The following GALNT13 variants were observed in gnomAD, a reference collection of about 807,000 sequenced individuals.
The protein encoded by GALNT13 is polypeptide N-acetylgalactosaminyltransferase 13.
A neutral mutation model predicts 64.2 loss-of-function variants in GALNT13; 28 were observed. The ratio of observed to expected loss-of-function variants is 0.44; its 90% CI spans 0.32 to 0.60. The LOEUF (loss-of-function observed/expected upper bound fraction) is 0.60, where lower values mean the gene tolerates loss of function less well. GALNT13 is among the 20% of genes least tolerant of loss of function. GALNT13 has a pLI of 0.05. For synonymous variants in GALNT13, 214 were observed against 224.6 expected (o/e 0.95, Z 0.42); for missense variants, 577 against 669.8 (o/e 0.86, Z 1.53).
chr2:153,787,187 G>C, the GALNT13 span, among the ~76,000 whole-genome samples: 1 of 152,110 alleles, frequency 6.6e-6, no homozygotes, highest in Non-Finnish European at 1.5e-5. Context: ...AATGGGAGGA[G>C]AGCCCACACT....
intron 3 of GALNT13, among the ~76,000 whole-genome samples, chr2:154,088,192 T>C (rs192277939): frequency 1.4e-4 from 21 of 152,254 alleles, no homozygotes; most frequent in African/African-American, 4.8e-4. Context: ...GATTTTGCAG[T>C]ACTAAGGCCT....
chr2:153,810,420 T>A, the GALNT13 span, among the ~76,000 whole-genome samples: 1 of 152,212 alleles, frequency 6.6e-6, no homozygotes, highest in African/African-American at 2.4e-5. Context: ...TATTAAGAGG[T>A]TTAATCTAAT....
At chr2:153,134,318 G>C in the GALNT13 span, among the ~76,000 whole-genome samples, 2 of 152,060 alleles carry the variant, frequency 1.3e-5, no homozygotes, top group Non-Finnish European at 2.9e-5. Context: ...CTTTGGAAAT[G>C]AGTCCTCTAC....
At chr2:153,505,412 G>C in the GALNT13 span, among the ~76,000 whole-genome samples, 2 of 152,040 alleles carry the variant, frequency 1.3e-5, 1 homozygote, top group East Asian at 3.9e-4. Flanking sequence ...CTTTTCTTCT[G>C]TTGGGTTTGG....
At chr2:154,413,359 G>T (rs998238400) in intron 11 of GALNT13, among the ~76,000 whole-genome samples, 1 of 151,786 alleles carries the variant, frequency 6.6e-6, no homozygotes, top group South Asian at 2.1e-4. Flanking sequence ...TTTATAACCA[G>T]GATCTCTGCC....
At chr2:154,104,525 C>T (rs980485453) in intron 3 of GALNT13, among the ~76,000 whole-genome samples, 10 of 152,128 alleles carry the variant, frequency 6.6e-5, no homozygotes, top group Non-Finnish European at 1.3e-4. Context: ...AGGGGGTGAC[C>T]CTCCTTCACC....
chr2:153,606,967 A>G, the GALNT13 span, among the ~76,000 whole-genome samples: 2 of 149,516 alleles, frequency 1.3e-5, no homozygotes, highest in African/African-American at 5.0e-5. Flanking sequence ...ATATTTCAGT[A>G]TATAGATGCA....
At chr2:153,583,760 T>C in the GALNT13 span, among the ~76,000 whole-genome samples, 2 of 152,284 alleles carry the variant, frequency 1.3e-5, no homozygotes, top group Admixed American at 1.3e-4. Flanking sequence ...CTTGAATAGC[T>C]GCACACGGTC....
At chr2:153,976,681 G>A (rs546011750) in intron 3 of GALNT13, among the ~76,000 whole-genome samples, 25 of 152,060 alleles carry the variant, frequency 1.6e-4, no homozygotes, top group African/African-American at 4.8e-4. Flanking sequence ...AGCTTTTCTC[G>A]TAGAAATAGA....
intron 3 of GALNT13, among the ~76,000 whole-genome samples, chr2:154,017,737 C>T (rs1697106780): frequency 6.6e-6 from 1 of 152,058 alleles, no homozygotes; most frequent in African/African-American, 2.4e-5. Flanking sequence ...AAATAAAGAA[C>T]AAGTTTTACT....
At chr2:153,208,555 T>C in the GALNT13 span, among the ~76,000 whole-genome samples, 2 of 152,190 alleles carry the variant, frequency 1.3e-5, no homozygotes, top group African/African-American at 4.8e-5. Context: ...ATCTGGTTGA[T>C]CGGCATTTAA....
chr2:154,152,591 T>C (rs1558990497), intron 4 of GALNT13, among the ~76,000 whole-genome samples: 1 of 152,162 alleles, frequency 6.6e-6, no homozygotes, highest in Non-Finnish European at 1.5e-5. Flanking sequence ...GTTTGGTCTT[T>C]TCACATAGTC....
chr2:153,326,900 A>AACAGGTTCACTAAACC, the GALNT13 span, among the ~76,000 whole-genome samples: 1 of 152,094 alleles, frequency 6.6e-6, no homozygotes, highest in Non-Finnish European at 1.5e-5. Flanking sequence ...CCTGACAAAC[A>AACAGGTTCACTAAACC]TGGTGAAACC....
chr2:153,156,104 G>A, the GALNT13 span, among the ~76,000 whole-genome samples: 1 of 152,130 alleles, frequency 6.6e-6, no homozygotes, highest in African/African-American at 2.4e-5. Flanking sequence ...GAGGCTGTTT[G>A]TTGTGATCTC....
the GALNT13 span, among the ~76,000 whole-genome samples, chr2:153,258,354 A>C: frequency 7.3e-6 from 1 of 137,818 alleles, no homozygotes; most frequent in South Asian, 2.4e-4. Flanking sequence ...AGTAATAGTA[A>C]AGCTCTGGTC....
intron 4 of GALNT13, among the ~76,000 whole-genome samples, chr2:154,237,649 AATT>A (rs1337021098): frequency 1.7e-4 from 26 of 150,832 alleles, no homozygotes; most frequent in African/African-American, 5.8e-4. Flanking sequence ...AAACAAAAGA[AATT>A]ATTGTATTCA....
chr2:154,231,567 A>G (rs558542575), intron 4 of GALNT13, among the ~76,000 whole-genome samples: 149 of 152,068 alleles, frequency 9.8e-4, no homozygotes, highest in African/African-American at 3.3e-3. Flanking sequence ...TTTATTTTAA[A>G]GAACTTCAGT....
chr2:153,244,976 G>A, the GALNT13 span, among the ~76,000 whole-genome samples: 1 of 152,234 alleles, frequency 6.6e-6, no homozygotes, highest in Admixed American at 6.5e-5. Context: ...GCTTTAGTAG[G>A]CTGTTTTCCC....
At chr2:154,173,017 A>G (rs1685448057) in intron 4 of GALNT13, among the ~76,000 whole-genome samples, 1 of 152,076 alleles carries the variant, frequency 6.6e-6, no homozygotes, top group African/African-American at 2.4e-5. Context: ...AGACAAAGCA[A>G]TCATGAGCAA....
Sources: gnomAD v4.1 joint callset for allele counts (sites outside exome capture counted in the v4.1 genomes callset) on GRCh38, gnomAD v4.1.1 for gene constraint, MANE v1.5 for transcripts, NCBI Gene and HGNC (gene_info 2026-07-23, HGNC 2026-07-21) for gene names.